CNTNAP3B: variants seen among roughly 807,000 people sequenced by gnomAD.
The protein encoded by CNTNAP3B is contactin associated protein family member 3B.
CNTNAP3B carries 25 observed loss-of-function variants against 108.9 expected under a neutral mutation model. That is an observed-to-expected ratio of 0.23 (90% CI 0.17 to 0.32). CNTNAP3B has a LOEUF of 0.32. Among genes scored for constraint, CNTNAP3B ranks in the 10% least tolerant of loss-of-function variants. The pLI, the probability that CNTNAP3B is intolerant of heterozygous loss-of-function variation, is 1.00. For synonymous variants in CNTNAP3B, 103 were observed against 473.4 expected (o/e 0.22, Z 10.16); for missense variants, 252 against 1,210.4 (o/e 0.21, Z 11.75).
rs1198803294 is a variant in CNTNAP3B, at chr9:41,940,829, C to T, written c.2081-2429G>A. On this transcript the variant is annotated intron_variant, in intron 13 of 23. Transcript: ENST00000377561. ...GACTCCATCTCCAAAACAATAACAA[C>T]AACAAAAAACCTTTTTAACACAAAA... Among the ~76,000 whole-genome samples the T allele has an allele frequency of 6.1e-3, 917 of 151,350 alleles. 6 individuals are homozygous for T. The highest frequency in any genetic ancestry group is 0.022 in the African/African-American group (877 of 40,640).
intron 1 of CNTNAP3B, among the ~76,000 whole-genome samples, chr9:42,117,794 A>G (rs1220898446): frequency 2.9e-5 from 4 of 138,286 alleles, no homozygotes; most frequent in Admixed American, 2.9e-4. Flanking sequence ...ACTAATAAAG[A>G]AGAAAAGAGA....
intron 14 of CNTNAP3B, among the ~76,000 whole-genome samples, chr9:41,936,835 T>C (rs1239928957): frequency 5.9e-5 from 9 of 152,400 alleles, no homozygotes; most frequent in African/African-American, 2.2e-4. Context: ...ATGATCATTT[T>C]GTAATTTTGA....
intron 4 of CNTNAP3B, among the ~76,000 whole-genome samples, chr9:42,001,589 G>A (rs1282435213): frequency 7.3e-6 from 1 of 136,166 alleles, no homozygotes; most frequent in South Asian, 2.4e-4. Context: ...AGGAAATGTA[G>A]TGGGATACTG....
intron 1 of CNTNAP3B, among the ~76,000 whole-genome samples, chr9:42,112,815 T>C (rs1336573142): frequency 1.5e-5 from 2 of 134,144 alleles, no homozygotes; most frequent in Admixed American, 7.5e-5. Flanking sequence ...CTTTATTCTA[T>C]GAGAACTACA....
intron 15 of CNTNAP3B, among the ~76,000 whole-genome samples, chr9:41,924,645 G>GCGCGCGCGCA (rs1474850625): frequency 3.2e-4 from 43 of 135,144 alleles, no homozygotes; most frequent in African/African-American, 1.0e-3. Context: ...TTTCCTTCCT[G>GCGCGCGCGCA]CACACACACA....
chr9:42,028,939 T>A (rs1353521414), intron 3 of CNTNAP3B, among the ~76,000 whole-genome samples: 1 of 151,818 alleles, frequency 6.6e-6, no homozygotes, highest in Non-Finnish European at 1.5e-5. Context: ...TTTTTTGGCA[T>A]TTAAATGAGT....
At chr9:42,058,177 T>A (rs1470314385) in intron 3 of CNTNAP3B, among the ~76,000 whole-genome samples, 3 of 148,136 alleles carry the variant, frequency 2.0e-5, no homozygotes, top group African/African-American at 5.0e-5. Flanking sequence ...ATGAACATGG[T>A]TGTACAGATA....
chr9:41,934,782 A>G (rs1300165085), intron 14 of CNTNAP3B, among the ~76,000 whole-genome samples: 49 of 147,768 alleles, frequency 3.3e-4, no homozygotes, highest in African/African-American at 1.2e-3. Context: ...AAAATCCAAT[A>G]TGATAAAATC....
chr9:42,043,103 C>A (rs1315534311), intron 3 of CNTNAP3B, among the ~76,000 whole-genome samples: 1 of 142,202 alleles, frequency 7.0e-6, no homozygotes, highest in African/African-American at 2.7e-5. Context: ...CCATAATCAA[C>A]TTCACCCAAA....
At chr9:42,108,852 G>A in intron 1 of CNTNAP3B, among the ~76,000 whole-genome samples, 1 of 140,440 alleles carries the variant, frequency 7.1e-6, no homozygotes, top group South Asian at 2.3e-4. Context: ...TCCCAGCATG[G>A]TGCCTATGAA....
rs1179743840 is a variant in CNTNAP3B, at chr9:42,107,839, G to T, written c.86-3100C>A. Among the ~76,000 whole-genome samples, 19 of 131,108 alleles carry T rather than the reference G, an allele frequency of 1.4e-4. 3 individuals carry two copies. The highest frequency in any genetic ancestry group is 5.9e-4 in the African/African-American group (19 of 32,284). The allele number at this position is 131,108 out of a possible 152,430, so 86.0% of individuals were successfully genotyped here. ...AAATACAAAAAATTAGCTGGGCATG[G>T]TGGCACGTGCCCATAGTCCCAGCTT... On this transcript the variant is annotated intron_variant, in intron 1 of 23. Coordinates refer to ENST00000377561, the MANE Select transcript of CNTNAP3B (RefSeq NM_001201380.3).
intron 1 of CNTNAP3B, among the ~76,000 whole-genome samples, chr9:42,128,023 A>G (rs28415796): frequency 0.46 from 63,768 of 137,382 alleles, 19,609 homozygotes; most frequent in East Asian, 0.72. Flanking sequence ...GGCTGACAGC[A>G]GGGAGATGCC....
At chr9:41,921,674 AG>A (rs1296922252) in intron 17 of CNTNAP3B, among the ~76,000 whole-genome samples, 1 of 152,226 alleles carries the variant, frequency 6.6e-6, no homozygotes, top group African/African-American at 2.4e-5. Flanking sequence ...GTGATAAAAC[AG>A]TAAGTAAGCA....
intron 9 of CNTNAP3B, chr9:41,975,185 C>G (rs1467105944): frequency 5.3e-6 from 1 of 190,148 alleles, no homozygotes; most frequent in Non-Finnish European, 1.0e-5. Context: ...AATCAGGCGG[C>G]AAGATCATCG....
At chr9:42,095,966 C>T (rs1827889745) in intron 2 of CNTNAP3B, among the ~76,000 whole-genome samples, 2 of 138,492 alleles carry the variant, frequency 1.4e-5, no homozygotes, top group Admixed American at 1.4e-4. Context: ...TGGGACAGTG[C>T]TCTCCACAAC....
chr9:42,077,264 A>G (rs1827512480), intron 2 of CNTNAP3B, among the ~76,000 whole-genome samples: 1 of 124,768 alleles, frequency 8.0e-6, no homozygotes, highest in African/African-American at 3.3e-5. Flanking sequence ...GATATTCTAG[A>G]AGGCAGGTGT....
At chr9:41,959,441 T>C (rs1305191623) in intron 12 of CNTNAP3B, among the ~76,000 whole-genome samples, 1 of 152,300 alleles carries the variant, frequency 6.6e-6, no homozygotes, top group Non-Finnish European at 1.5e-5. Context: ...CTAGATTTTG[T>C]CAGTAGATAC....
intron 3 of CNTNAP3B, among the ~76,000 whole-genome samples, chr9:42,061,380 C>T (rs770836257): frequency 0.012 from 1,630 of 131,572 alleles, 55 homozygotes; most frequent in South Asian, 0.052. Flanking sequence ...TGCAGTGGCA[C>T]GAGCTTGGCT....
rs546791592 is a variant in CNTNAP3B, at chr9:42,124,483, C to T, written c.85+4527G>A. 8.1e-5 allele frequency among the ~76,000 whole-genome samples: 11 copies of T among 136,456 alleles called. 2 individuals are homozygous for T. The South Asian group carries it at 1.9e-3, about 24-fold the overall frequency. 89.5% of individuals were successfully genotyped at this position (136,456 alleles called of 152,430 possible). A position where few individuals can be genotyped will look rare whatever the true frequency, so the allele number is the denominator to read the frequency against. ...TACATTTAAAACAAACAATTCCATGCCTTATATGTCAAGTGGAAAAGGAAT... is the reference window on the plus strand; with the variant it reads ...TACATTTAAAACAAACAATTCCATGTCTTATATGTCAAGTGGAAAAGGAAT... On this transcript the variant is annotated intron_variant, in intron 1 of 23. Coordinates refer to ENST00000377561, the MANE Select transcript of CNTNAP3B (RefSeq NM_001201380.3).
Sources: allele counts gnomAD v4.1 joint callset (sites outside exome capture counted in the v4.1 genomes callset), GRCh38; gene constraint gnomAD v4.1.1; transcripts MANE v1.5; gene names NCBI Gene and HGNC (gene_info 2026-07-23, HGNC 2026-07-21).